The following PBX1 variants were observed in gnomAD, a reference collection of about 807,000 sequenced individuals.
PBX1 encodes PBX homeobox 1.
Under a neutral mutation model 53.4 loss-of-function variants are expected in PBX1, and 6 were observed. That is an observed-to-expected ratio of 0.11 (90% CI 0.06 to 0.22). PBX1 has a LOEUF of 0.22. PBX1 is among the 10% of genes least tolerant of loss of function. The probability of loss-of-function intolerance (pLI) is 1.00; values close to 1 mark genes in which losing one functional copy is unlikely to be tolerated. For missense variants in PBX1, 251 were observed against 551.4 expected, an observed-to-expected ratio of 0.46 and a Z score of 5.46; for synonymous variants, 204 against 212.3, an observed-to-expected ratio of 0.96 and a Z score of 0.34.
intron 2 of PBX1, among the ~76,000 whole-genome samples, chr1:164,610,777 A>C (rs1171430596): frequency 6.6e-6 from 1 of 152,180 alleles, no homozygotes; most frequent in African/African-American, 2.4e-5. Context: ...GTATCTACGC[A>C]CATTCTGCCA....
At chr1:164,747,783 T>C (rs1474355345) in intron 2 of PBX1, among the ~76,000 whole-genome samples, 2 of 152,164 alleles carry the variant, frequency 1.3e-5, no homozygotes, top group Non-Finnish European at 2.9e-5. Flanking sequence ...ACCAAGGTAG[T>C]GGCTATCTAT....
At chr1:164,616,046 G>A (rs1302411263) in intron 2 of PBX1, among the ~76,000 whole-genome samples, 1 of 152,146 alleles carries the variant, frequency 6.6e-6, no homozygotes, top group Non-Finnish European at 1.5e-5. Context: ...TTCAGGATAT[G>A]TCTATGTGAA....
chr1:164,641,442 G>GCC (rs1659138017), intron 2 of PBX1: 1 of 153,144 alleles, frequency 6.5e-6, no homozygotes. Context: ...TTTCTCAGCT[G>GCC]CCCTCCCCCT....
At chr1:164,746,274 G>A (rs1665886495) in intron 2 of PBX1, among the ~76,000 whole-genome samples, 1 of 152,222 alleles carries the variant, frequency 6.6e-6, no homozygotes, top group African/African-American at 2.4e-5. Context: ...CAGTTGCTTA[G>A]CATGAAATTC....
At chr1:164,826,888 A>C (rs1670496588) in intron 8 of PBX1, among the ~76,000 whole-genome samples, 1 of 152,188 alleles carries the variant, frequency 6.6e-6, no homozygotes, top group East Asian at 1.9e-4. Context: ...CACAAAAAAA[A>C]CTCATTAATC....
intron 2 of PBX1, chr1:164,770,751 CTCAGATG>C (rs557049920): frequency 1.3e-5 from 2 of 152,106 alleles, no homozygotes; most frequent in African/African-American, 2.4e-5. Flanking sequence ...GGTCTCCTTT[CTCAGATG>C]TGAGTAAAAA....
chr1:164,737,089 G>A (rs1471249629), intron 2 of PBX1, among the ~76,000 whole-genome samples: 1 of 152,192 alleles, frequency 6.6e-6, no homozygotes, highest in Non-Finnish European at 1.5e-5. Context: ...TGGTGCCTGA[G>A]CATCTTCTTG....
At chr1:164,692,252 A>C (rs747465433) in intron 2 of PBX1, among the ~76,000 whole-genome samples, 9 of 152,228 alleles carry the variant, frequency 5.9e-5, no homozygotes, top group Non-Finnish European at 1.2e-4. Context: ...GCAGAAGTGA[A>C]TATCATGAGG....
chr1:164,647,298 A>C (rs1319989368), intron 2 of PBX1, among the ~76,000 whole-genome samples: 2 of 152,158 alleles, frequency 1.3e-5, no homozygotes, highest in African/African-American at 4.8e-5. Context: ...ACCACTAGGG[A>C]GGATGAGAAA....
intron 2 of PBX1, among the ~76,000 whole-genome samples, chr1:164,710,140 T>G (rs2102070520): frequency 6.6e-6 from 1 of 152,342 alleles, no homozygotes; most frequent in East Asian, 1.9e-4. Flanking sequence ...GAGTATTACC[T>G]ATTGTGACTG....
chr1:164,675,576 C>T (rs1273497803), intron 2 of PBX1, among the ~76,000 whole-genome samples: 1 of 152,120 alleles, frequency 6.6e-6, no homozygotes, highest in Non-Finnish European at 1.5e-5. Context: ...CAGTAAGGGG[C>T]ATCAGGAATT....
chr1:164,627,453 G>A (rs142089234), intron 2 of PBX1, among the ~76,000 whole-genome samples: 68 of 152,318 alleles, frequency 4.5e-4, no homozygotes, highest in African/African-American at 1.5e-3. Flanking sequence ...AATCCAGCAA[G>A]AGGTGCCTCC....
intron 2 of PBX1, among the ~76,000 whole-genome samples, chr1:164,863,471 G>A (rs1298851003): frequency 6.6e-6 from 1 of 152,198 alleles, no homozygotes; most frequent in Non-Finnish European, 1.5e-5. Context: ...CCTACTCTCA[G>A]GGTGTTTACT....
At chr1:164,743,923 A>G (rs1004682227) in intron 2 of PBX1, among the ~76,000 whole-genome samples, 5 of 152,202 alleles carry the variant, frequency 3.3e-5, no homozygotes, top group African/African-American at 1.2e-4. Context: ...GGAGGCTAAG[A>G]AATGTAATAA....
intron 2 of PBX1, among the ~76,000 whole-genome samples, chr1:164,721,599 T>C (rs12098137): frequency 0.26 from 39,053 of 152,132 alleles, 5,286 homozygotes; most frequent in East Asian, 0.41. Context: ...TTTATCTAGC[T>C]TCTCTCACTT....
At chr1:164,563,773 CAG>C (rs762804561) in intron 2 of PBX1, among the ~76,000 whole-genome samples, 14 of 152,034 alleles carry the variant, frequency 9.2e-5, no homozygotes, top group Non-Finnish European at 1.9e-4. Context: ...AGGTTCTCAA[CAG>C]AGAGTGTTGT....
intron 2 of PBX1, among the ~76,000 whole-genome samples, chr1:164,767,266 A>G (rs1667105144): frequency 6.6e-6 from 1 of 152,152 alleles, no homozygotes; most frequent in Non-Finnish European, 1.5e-5. Flanking sequence ...TCTTCATTCA[A>G]AAATTAAGTA....
At chr1:164,575,056 C>T (rs184253835) in intron 2 of PBX1, among the ~76,000 whole-genome samples, 5 of 152,144 alleles carry the variant, frequency 3.3e-5, no homozygotes, top group Admixed American at 2.6e-4. Context: ...ATCCACCTTG[C>T]GGACTTTGTG....
chr1:164,732,621 C>T (rs952782919), intron 2 of PBX1, among the ~76,000 whole-genome samples: 4 of 152,100 alleles, frequency 2.6e-5, no homozygotes, highest in East Asian at 1.9e-4. Flanking sequence ...TAATTACTTT[C>T]GCACCAACCT....
Sources: allele counts gnomAD v4.1 joint callset (sites outside exome capture counted in the v4.1 genomes callset), GRCh38; gene constraint gnomAD v4.1.1; transcripts MANE v1.5; gene names NCBI Gene and HGNC (gene_info 2026-07-23, HGNC 2026-07-21).